Variants in PECAM1 observed in about 807,000 individuals in gnomAD.
PECAM1 encodes the protein platelet and endothelial cell adhesion molecule 1.
In PECAM1, 8 loss-of-function variants were observed where a neutral mutation model predicts 13.8. The ratio of observed to expected loss-of-function variants is 0.58; its 90% CI spans 0.34 to 1.05. The LOEUF (loss-of-function observed/expected upper bound fraction) is 1.05, where lower values mean the gene tolerates loss of function less well. PECAM1 is among the 50% of genes least tolerant of loss of function. The pLI is 0.03. For missense variants in PECAM1, 304 were observed against 141.2 expected (o/e 2.15, Z -5.84); for synonymous variants, 136 against 52.6 (o/e 2.58, Z -6.86).
intron 2 of PECAM1, among the ~76,000 whole-genome samples, chr17:64,380,856 A>G (rs118192548): frequency 1.9e-4 from 29 of 152,226 alleles, no homozygotes; most frequent in African/African-American, 7.0e-4. Flanking sequence ...GCATTGTGGC[A>G]TGCACCTGTA....
intron 14 of PECAM1, among the ~76,000 whole-genome samples, chr17:64,334,630 T>G (rs1054604596): frequency 3.3e-5 from 5 of 151,964 alleles, no homozygotes; most frequent in Non-Finnish European, 5.9e-5. Context: ...TGCCTCAGCC[T>G]CCCATGTAGC....
intron 9 of PECAM1, among the ~76,000 whole-genome samples, chr17:64,353,729 A>G (rs2035784618): frequency 6.6e-6 from 1 of 152,154 alleles, no homozygotes; most frequent in South Asian, 2.1e-4. Flanking sequence ...AAAAAGAGAG[A>G]AAAAGAAGCC....
chr17:64,356,648 G>C (rs1455203071), intron 7 of PECAM1, among the ~76,000 whole-genome samples: 1 of 151,920 alleles, frequency 6.6e-6, no homozygotes, highest in Non-Finnish European at 1.5e-5. Context: ...CTAACTTTTT[G>C]GATTTTTTTG....
chr17:64,367,276 G>T (rs1200805382), intron 5 of PECAM1, among the ~76,000 whole-genome samples: 2 of 152,142 alleles, frequency 1.3e-5, no homozygotes, highest in Non-Finnish European at 2.9e-5. Flanking sequence ...AACTGGCAGG[G>T]CGTGGTGGCT....
At chr17:64,358,461 T>C (rs2035898274) in intron 7 of PECAM1, among the ~76,000 whole-genome samples, 1 of 152,166 alleles carries the variant, frequency 6.6e-6, no homozygotes, top group Non-Finnish European at 1.5e-5. Flanking sequence ...TTTTGGCTCA[T>C]GTGTTTGCTG....
rs118200878 is a variant in PECAM1, at chr17:64,350,648, T to C, written c.1991-215A>G. On this transcript the variant is annotated intron_variant, in intron 11 of 15. Transcript: ENST00000563924. ...TTTTCTTTTTTTCTTTCTTTCTTTT[T>C]TTTTTTTTTTTGAGGCAATGTCTTG... 5.3e-5 allele frequency among the ~76,000 whole-genome samples: 8 copies of C among 150,562 alleles called. No homozygotes were observed. The East Asian group carries it at 9.7e-4, about 18-fold the overall frequency.
At chr17:64,374,953 G>T (rs1230522703) in intron 4 of PECAM1, 98 bp downstream of exon 4, 16 of 419,766 alleles carry the variant, frequency 3.8e-5, no homozygotes, top group African/African-American at 6.1e-5. Context: ...CAGGTCTTAA[G>T]TCCTGAGAAC....
Position 64,322,976 on chromosome 17 carries a change from G to T in PECAM1, c.*840C>A, listed in dbSNP as rs868960387. On this transcript the variant is annotated 3_prime_UTR_variant, in exon 16 of 16. Transcript: ENST00000563924. ...CCCACCTCAGCCTCCTGAAGTGCTG[G>T]GATTACAGGCGTGAGCCACCTTGCC... is the stretch of plus-strand genomic sequence containing the variant. The T allele has an allele frequency of 5.7e-6, 5 of 872,170 alleles. No homozygotes were observed. Among genetic ancestry groups the T allele is most frequent in the Non-Finnish European group, 6.9e-6 (5 of 726,560 alleles). The allele number at this position is 872,170 out of a possible 1,614,324, so 54.0% of individuals were successfully genotyped here. A position where few individuals can be genotyped will look rare whatever the true frequency, so the allele number is the denominator to read the frequency against.
chr17:64,386,539 A>G (rs2036597962), intron 2 of PECAM1, among the ~76,000 whole-genome samples: 2 of 152,326 alleles, frequency 1.3e-5, no homozygotes, highest in South Asian at 4.1e-4. Flanking sequence ...AATTTAAAAA[A>G]AGACTTTGTT....
chr17:64,329,104 C>T (rs1555646169), intron 15 of PECAM1, among the ~76,000 whole-genome samples: 1 of 152,094 alleles, frequency 6.6e-6, no homozygotes, highest in African/African-American at 2.4e-5. Context: ...GATCTTTCTC[C>T]CTCAATGCTG....
At position 64,355,943 on chromosome 17, in the gene PECAM1, T is replaced by A. The variant is rs1403157786; in HGVS notation, c.1780+168A>T. On this transcript the variant is annotated intron_variant, in intron 8 of 15. Coordinates refer to ENST00000563924, the MANE Select transcript of PECAM1 (RefSeq NM_000442.5). ...TAATCGATTTCTCTTTTTTACTTAA[T>A]TTGAGTGGGTTTCTGTCACTTGCAA... Among the ~76,000 whole-genome samples the A allele has an allele frequency of 3.3e-5, 5 of 152,252 alleles. No individual in the cohort carries two copies. The East Asian group carries it at 9.7e-4, about 29-fold the overall frequency.
At chr17:64,345,269 C>A (rs953956738) in intron 13 of PECAM1, among the ~76,000 whole-genome samples, 2 of 152,086 alleles carry the variant, frequency 1.3e-5, no homozygotes, top group African/African-American at 4.8e-5. Flanking sequence ...TAGGTGATCC[C>A]TGAAGGTTAG....
intron 2 of PECAM1, among the ~76,000 whole-genome samples, chr17:64,379,350 G>A (rs201008765): frequency 0.052 from 7,898 of 152,184 alleles, 685 homozygotes; most frequent in African/African-American, 0.18. Context: ...ACGGAAGGGT[G>A]GATTGCTTAA....
intron 14 of PECAM1, among the ~76,000 whole-genome samples, chr17:64,336,639 C>T (rs2035282573): frequency 6.6e-6 from 1 of 152,206 alleles, no homozygotes. Flanking sequence ...AATCCCAGCA[C>T]TTTGGGAGGC....
chr17:64,327,568 A>G (rs1417454874), intron 15 of PECAM1, among the ~76,000 whole-genome samples: 1 of 152,174 alleles, frequency 6.6e-6, no homozygotes, highest in Non-Finnish European at 1.5e-5. Flanking sequence ...TTCTTTCTGT[A>G]AGAAGGCAGG....
At chr17:64,348,904 G>C (rs1343016920) in intron 12 of PECAM1, among the ~76,000 whole-genome samples, 14 of 152,318 alleles carry the variant, frequency 9.2e-5, no homozygotes, top group African/African-American at 3.4e-4. Context: ...CTGTTACCAG[G>C]ATGTGGAGGG....
intron 15 of PECAM1, among the ~76,000 whole-genome samples, chr17:64,327,775 C>T (rs1364080808): frequency 1.3e-5 from 2 of 152,160 alleles, no homozygotes; most frequent in Admixed American, 1.3e-4. Flanking sequence ...TCTTTGGCTA[C>T]GTGGCTATCT....
At chr17:64,361,463 A>G (rs1213333324) in intron 6 of PECAM1, among the ~76,000 whole-genome samples, 1 of 151,306 alleles carries the variant, frequency 6.6e-6, no homozygotes, top group East Asian at 2.0e-4. Flanking sequence ...ATGTTTTTAA[A>G]TTATTCTCAG....
At chr17:64,329,598 C>T (rs1196019158) in intron 15 of PECAM1, 102 bp downstream of exon 15, 6 of 704,474 alleles carry the variant, frequency 8.5e-6, no homozygotes, top group South Asian at 4.5e-5. Context: ...GACTAGGGAG[C>T]GGGGAAGAAT....
Sources: allele counts gnomAD v4.1 joint callset (sites outside exome capture counted in the v4.1 genomes callset), GRCh38; gene constraint gnomAD v4.1.1; transcripts MANE v1.5; gene names NCBI Gene and HGNC (gene_info 2026-07-23, HGNC 2026-07-21).